TRPM3: variants seen among roughly 807,000 people sequenced by gnomAD.
TRPM3 encodes the protein long transient receptor potential channel 3.
In TRPM3, 77 loss-of-function variants were observed where a neutral mutation model predicts 181.2. The observed-to-expected ratio is 0.42, with a 90% CI of 0.35 to 0.51. The LOEUF (loss-of-function observed/expected upper bound fraction) is 0.51. Ranked by LOEUF, TRPM3 falls within the 20% of genes least tolerant of loss-of-function variation. The pLI, the probability that TRPM3 is intolerant of heterozygous loss-of-function variation, is 0.01. For missense variants in TRPM3, 1,759 were observed against 2,196.7 expected (o/e 0.80, Z 3.98); for synonymous variants, 745 against 796.4 (o/e 0.94, Z 1.09).
rs867722486 is a variant in TRPM3 at position 70,533,421 on chromosome 9, G to C, written c.*2532C>G. ...TAACAAAATCTTTGTTCAAACTCTGGTGCTGAGATTTGGCCTTCCTGAGAA... is the reference window on the plus strand; with the variant it reads ...TAACAAAATCTTTGTTCAAACTCTGCTGCTGAGATTTGGCCTTCCTGAGAA... On this transcript the variant is annotated 3_prime_UTR_variant, in exon 26 of 26. Coordinates refer to ENST00000677713, the MANE Select transcript of TRPM3 (RefSeq NM_001366145.2). The C allele has an allele frequency of 4.4e-4, 67 of 152,218 alleles. No individual in the cohort carries two copies. Among genetic ancestry groups the C allele is most frequent in the African/African-American group, 1.5e-3 (64 of 41,512 alleles). 9.4% of individuals were successfully genotyped at this position (152,218 alleles called of 1,614,324 possible). A position where few individuals can be genotyped will look rare whatever the true frequency, so the allele number is the denominator to read the frequency against.
At chr9:71,154,669 C>G (rs2075897046) in intron 1 of TRPM3, among the ~76,000 whole-genome samples, 3 of 152,126 alleles carry the variant, frequency 2.0e-5, no homozygotes, top group Admixed American at 2.0e-4. Flanking sequence ...TGTACATCAC[C>G]TTGGCAGTCC....
chr9:71,353,562 C>T (rs1174864915), intron 1 of TRPM3, among the ~76,000 whole-genome samples: 2 of 152,138 alleles, frequency 1.3e-5, no homozygotes, highest in African/African-American at 4.8e-5. Context: ...TGACTTCAAC[C>T]TTCTGTGGTC....
chr9:70,912,558 G>A (rs961328694), intron 1 of TRPM3, among the ~76,000 whole-genome samples: 1 of 152,160 alleles, frequency 6.6e-6, no homozygotes, highest in African/African-American at 2.4e-5. Context: ...AAAGTGAGGA[G>A]AGTAAGGAAA....
chr9:70,900,850 G>T (rs1330819619), intron 1 of TRPM3, among the ~76,000 whole-genome samples: 1 of 152,166 alleles, frequency 6.6e-6, no homozygotes, highest in African/African-American at 2.4e-5. Context: ...CTACTAAGCA[G>T]GTAGTCACAA....
At chr9:71,041,049 A>C (rs2058754299) in intron 1 of TRPM3, among the ~76,000 whole-genome samples, 1 of 152,208 alleles carries the variant, frequency 6.6e-6, no homozygotes, top group Non-Finnish European at 1.5e-5. Flanking sequence ...TGAATAGATT[A>C]CATAATATTG....
chr9:71,345,117 T>C (rs1182576302), intron 1 of TRPM3, among the ~76,000 whole-genome samples: 3 of 152,256 alleles, frequency 2.0e-5, no homozygotes, highest in East Asian at 1.9e-4. Context: ...TGTGGAGAAA[T>C]AGAAATGCTT....
chr9:70,665,754 T>C (rs933023969), intron 9 of TRPM3, among the ~76,000 whole-genome samples: 1 of 152,198 alleles, frequency 6.6e-6, no homozygotes, highest in African/African-American at 2.4e-5. Flanking sequence ...TAAAAATACC[T>C]GCATTCCCCA....
At chr9:71,162,156 T>C (rs1415048170) in intron 1 of TRPM3, among the ~76,000 whole-genome samples, 2 of 128,314 alleles carry the variant, frequency 1.6e-5, no homozygotes, top group Admixed American at 2.0e-4. Context: ...GGTAAGATCG[T>C]GCCACTGCAC....
Position 70,535,833 on chromosome 9 carries a change from T to C in TRPM3, c.*120A>G, listed in dbSNP as rs568862481. 1 of 1,506,418 alleles carries C rather than the reference T, an allele frequency of 6.6e-7. No homozygotes were observed. The highest frequency in any genetic ancestry group is 1.4e-5 in the South Asian group (1 of 73,312). 93.3% of individuals were successfully genotyped at this position (1,506,418 alleles called of 1,614,324 possible). A position where few individuals can be genotyped will look rare whatever the true frequency, so the allele number is the denominator to read the frequency against. On this transcript the variant is annotated 3_prime_UTR_variant, in exon 26 of 26. Transcript: ENST00000677713. ...CTTTGAGTTAACACCTCCCAAAGCA[T>C]TGCTTGTTTTGCTCAGCTAAGAATA...
chr9:70,625,545 GA>G lies in TRPM3; in HGVS notation c.1633-29del. 1 of 1,603,986 alleles carries G rather than the reference GA, an allele frequency of 6.2e-7. No individual in the cohort carries two copies. Among genetic ancestry groups the G allele is most frequent in the South Asian group, 1.1e-5 (1 of 88,568 alleles). On this transcript the variant is annotated intron_variant, in intron 12 of 25. Coordinates refer to ENST00000677713, the MANE Select transcript of TRPM3 (RefSeq NM_001366145.2). This position sits in a 1 kb window ranked among gnomAD's most constrained non-coding sequence, Gnocchi z 4.8. ...TGGAAAGAAGACATAAGTTAAATAA[GA>G]AGATGCAGTAATCGTCGGCAATAAT...
At chr9:70,888,950 C>G (rs535301291) in intron 1 of TRPM3, among the ~76,000 whole-genome samples, 29 of 152,228 alleles carry the variant, frequency 1.9e-4, no homozygotes, top group African/African-American at 6.5e-4. Context: ...ACAAGGACAC[C>G]AGTATGGAGA....
chr9:71,085,293 A>T (rs1201694539), intron 1 of TRPM3, among the ~76,000 whole-genome samples: 2 of 152,078 alleles, frequency 1.3e-5, no homozygotes, highest in Non-Finnish European at 2.9e-5. Context: ...ACCTAACTAA[A>T]CTATAGAGCT....
chr9:71,352,221 A>T (rs2091680551), intron 1 of TRPM3, among the ~76,000 whole-genome samples: 1 of 152,188 alleles, frequency 6.6e-6, no homozygotes, highest in African/African-American at 2.4e-5. Flanking sequence ...ACAAATGTTC[A>T]TTATGTTATT....
At chr9:71,249,910 C>T (rs553474516) in intron 1 of TRPM3, among the ~76,000 whole-genome samples, 28 of 152,278 alleles carry the variant, frequency 1.8e-4, no homozygotes, top group Non-Finnish European at 3.2e-4. Flanking sequence ...GAATTCTTCA[C>T]GTGGGATGGT....
intron 7 of TRPM3, chr9:70,775,586 G>A (rs1033518810): frequency 6.6e-6 from 1 of 152,186 alleles, no homozygotes; most frequent in Non-Finnish European, 1.5e-5. Context: ...GAATTTTGAG[G>A]AGGAGCTCCA....
intron 1 of TRPM3, among the ~76,000 whole-genome samples, chr9:71,421,406 C>T (rs2093771473): frequency 6.6e-6 from 1 of 151,782 alleles, no homozygotes. Flanking sequence ...TCTTCCCTCC[C>T]TCTATTGGCC....
At chr9:71,415,536 G>A (rs1025100081) in intron 1 of TRPM3, among the ~76,000 whole-genome samples, 2 of 151,916 alleles carry the variant, frequency 1.3e-5, no homozygotes, top group African/African-American at 4.8e-5. Flanking sequence ...GTGACACTAA[G>A]ATATACTTTT....
Position 70,867,654 on chromosome 9 carries a change from A to AT in TRPM3, c.178-3144dup, listed in dbSNP as rs1185930376. Reference sequence around the variant, plus strand: ...TTCCCATCATTCATGATTAAATTGGATTTTTTCATTGAGTAGAAAAGTATA... The same window carrying AT: ...TTCCCATCATTCATGATTAAATTGGATTTTTTTCATTGAGTAGAAAAGTATA... On this transcript the variant is annotated intron_variant, in intron 1 of 25. Transcript: ENST00000677713. Among the ~76,000 whole-genome samples the AT allele has an allele frequency of 2.0e-5, 3 of 152,144 alleles. No homozygotes were observed. In the East Asian group the frequency reaches 5.8e-4, roughly 30 times the overall value.
Position 70,537,105 on chromosome 9 carries a change from G to A in TRPM3, c.4008C>T (p.Ser1336=). 6.2e-7 allele frequency: 1 copy of A among 1,608,958 alleles called. No individual in the cohort carries two copies. Among genetic ancestry groups the A allele is most frequent in the East Asian group, 2.2e-5 (1 of 44,682 alleles). ...SIDPAGEETM[S]PTSPTLMPRM... ...GGGGCATTAAGGTTGGAGAAGTTGG[G>A]GACATGGTCTCCTCACCTGCAGGGT... The change falls in exon 26 of 26, where the codon TCC becomes TCT. Residue 1336 remains serine (S), a synonymous_variant. Transcript: ENST00000677713.
Sources: allele counts gnomAD v4.1 joint callset (sites outside exome capture counted in the v4.1 genomes callset), GRCh38; gene constraint gnomAD v4.1.1; non-coding constraint Gnocchi (gnomAD v3.1); transcripts MANE v1.5; gene names NCBI Gene and HGNC (gene_info 2026-07-23, HGNC 2026-07-21).